The following DCHS2 variants were observed in gnomAD, a reference collection of about 807,000 sequenced individuals.
DCHS2 encodes the protein dachsous cadherin-related 2.
Under a neutral mutation model 182.4 loss-of-function variants are expected in DCHS2, and 142 were observed. The observed-to-expected ratio is 0.78, with a 90% CI of 0.68 to 0.89. The LOEUF (loss-of-function observed/expected upper bound fraction) is 0.89. Ranked by LOEUF, DCHS2 falls within the 40% of genes least tolerant of loss-of-function variation. DCHS2 has a pLI of 0.00. For missense variants in DCHS2, 4,319 were observed against 4,198.6 expected (o/e 1.03, Z -0.79); for synonymous variants, 1,740 against 1,663.3 (o/e 1.05, Z -1.12).
chr4:154,258,367 C>CTTTTTTTTTTTTTT (rs771510956), intron 15 of DCHS2, among the ~76,000 whole-genome samples: 1 of 58,838 alleles, frequency 1.7e-5, no homozygotes, highest in African/African-American at 7.3e-5. Context: ...AAAAGAAAGG[C>CTTTTTTTTTTTTTT]TTTTTTTTTT....
At chr4:154,237,891 A>G (rs1219991602) in intron 19 of DCHS2, among the ~76,000 whole-genome samples, 2 of 152,236 alleles carry the variant, frequency 1.3e-5, no homozygotes, top group East Asian at 1.9e-4. Flanking sequence ...AAATATTTGA[A>G]TCAATAGCTT....
chr4:154,414,561 G>A (rs1732760231), intron 1 of DCHS2, among the ~76,000 whole-genome samples: 1 of 135,084 alleles, frequency 7.4e-6, no homozygotes, highest in African/African-American at 2.8e-5. Context: ...AATTCAAGAA[G>A]CATTCCTGAC....
intron 1 of DCHS2, among the ~76,000 whole-genome samples, chr4:154,447,819 G>A (rs920378875): frequency 2.0e-5 from 3 of 152,144 alleles, no homozygotes; most frequent in African/African-American, 7.2e-5. Flanking sequence ...TAAGAAAATT[G>A]TAAACAGGGA....
chr4:154,418,431 A>G (rs1284474610), intron 1 of DCHS2, among the ~76,000 whole-genome samples: 3 of 152,204 alleles, frequency 2.0e-5, no homozygotes, highest in Non-Finnish European at 2.9e-5. Context: ...TCCACTCACT[A>G]AGACTCCCTT....
chr4:154,442,159 G>A (rs1313444186), intron 1 of DCHS2, among the ~76,000 whole-genome samples: 1 of 152,030 alleles, frequency 6.6e-6, no homozygotes, highest in Non-Finnish European at 1.5e-5. Context: ...CTTGCTCCCA[G>A]TCAGACCACC....
chr4:154,383,607 A>G (rs1423753238), intron 1 of DCHS2, among the ~76,000 whole-genome samples: 1 of 152,198 alleles, frequency 6.6e-6, no homozygotes, highest in Admixed American at 6.5e-5. Context: ...CTGGCCCTTG[A>G]AGGCATGTTT....
At chr4:154,367,192 T>C (rs1283681235) in intron 2 of DCHS2, among the ~76,000 whole-genome samples, 1 of 152,184 alleles carries the variant, frequency 6.6e-6, no homozygotes, top group Non-Finnish European at 1.5e-5. Context: ...TGGAAGGACA[T>C]GGTTCTTCCT....
chr4:154,256,896 A>C (rs910096012), intron 15 of DCHS2, among the ~76,000 whole-genome samples: 1 of 152,144 alleles, frequency 6.6e-6, no homozygotes, highest in African/African-American at 2.4e-5. Context: ...TTGGGACCGA[A>C]AGGCTGCAAT....
At chr4:154,349,184 C>T (rs1167661002) in intron 3 of DCHS2, among the ~76,000 whole-genome samples, 5 of 151,942 alleles carry the variant, frequency 3.3e-5, no homozygotes, top group Non-Finnish European at 7.3e-5. Context: ...GCAGAAGTGG[C>T]TGGCTTTATA....
chr4:154,236,500 T>C lies in DCHS2; in HGVS notation c.8152A>G (p.Asn2718Asp), dbSNP rs760004815. 2 of 1,614,044 alleles carry C rather than the reference T, an allele frequency of 1.2e-6. No individual in the cohort carries two copies. Among genetic ancestry groups the C allele is most frequent in the Non-Finnish European group, 1.7e-6 (2 of 1,179,968 alleles). ...TTAATCAAATAAAGAACTCCAGTGT[T>C]TTCTTCTAAGTAAAAATGTCCCTTC... ...NEKGHFYLEE[N>D]TGVLYLIKPL... is the part of the protein sequence containing the mutation. Residue 2718 changes from asparagine (N) to aspartate (D), a missense_variant, in exon 20 of 20, where the codon AAC (asparagine) becomes GAC (aspartate). Asn to Asp is a conservative substitution (Grantham distance 23, BLOSUM62 1). Transcript: ENST00000357232.
chr4:154,441,770 C>A (rs1349914423), intron 1 of DCHS2, among the ~76,000 whole-genome samples: 2 of 152,022 alleles, frequency 1.3e-5, no homozygotes, highest in Non-Finnish European at 1.5e-5. Context: ...GTTTATAAAG[C>A]ACTTCTTGTT....
intron 16 of DCHS2, among the ~76,000 whole-genome samples, chr4:154,253,102 G>C (rs1732463711): frequency 7.3e-6 from 1 of 137,828 alleles, no homozygotes; most frequent in South Asian, 2.7e-4. Context: ...GTGCGGGGTG[G>C]GGGGCGGGGT....
chr4:154,359,869 T>G (rs550335660), intron 3 of DCHS2, among the ~76,000 whole-genome samples: 12 of 152,150 alleles, frequency 7.9e-5, no homozygotes, highest in African/African-American at 2.9e-4. Context: ...AACAGATAAT[T>G]TGGTGTTTAG....
rs765390193 is a variant in DCHS2 at position 154,236,609 on chromosome 4, C to T, written c.8043G>A (p.Gly2681=). 6.2e-6 allele frequency: 10 copies of T among 1,613,984 alleles called. No homozygotes were observed. In the Admixed American group the frequency reaches 1.2e-4, roughly 19 times the overall value. The change falls in exon 20 of 20, where the codon GGG becomes GGA. Residue 2681 remains glycine, a synonymous_variant. Coordinates refer to ENST00000357232, the MANE Select transcript of DCHS2 (RefSeq NM_001358235.2). The stretch of plus-strand genomic sequence containing the variant: ...TTGCTGAGACCACAGTGATGTGACT[C>T]CCTAGAGGGGTGCTTTCCTTGACAT... ...HTHVKESTPL[G]SHITVVSAND...
intron 13 of DCHS2, among the ~76,000 whole-genome samples, chr4:154,294,910 A>G (rs1734852651): frequency 6.6e-6 from 1 of 152,192 alleles, no homozygotes; most frequent in African/African-American, 2.4e-5. Context: ...CCTACTCCTA[A>G]TTGTTGAGGA....
Position 154,321,035 on chromosome 4 carries a change from T to C in DCHS2, c.4364A>G (p.Asp1455Gly). ...AAGAAACAAGTCTCCGGTTGAGCTGTCTATTTCAAAGTGTCCATCCTTATC... is the reference window on the plus strand; with the variant it reads ...AAGAAACAAGTCTCCGGTTGAGCTGCCTATTTCAAAGTGTCCATCCTTATC... ...ADDKDGHFEI[D>G]SSTGDLFLSK... is the part of the protein sequence containing the mutation. Residue 1455 changes from aspartate (D) to glycine (G), a missense_variant, in exon 9 of 20, where the codon GAC (aspartate) becomes GGC (glycine). Coordinates refer to ENST00000357232, the MANE Select transcript of DCHS2 (RefSeq NM_001358235.2). The C allele has an allele frequency of 6.2e-7, 1 of 1,613,484 alleles. No homozygotes were observed. Among genetic ancestry groups the C allele is most frequent in the Non-Finnish European group, 8.5e-7 (1 of 1,179,572 alleles).
intron 14 of DCHS2, among the ~76,000 whole-genome samples, chr4:154,264,343 T>C (rs1308375620): frequency 2.0e-5 from 3 of 152,088 alleles, no homozygotes; most frequent in African/African-American, 2.4e-5. Flanking sequence ...ATTATATATG[T>C]TTAAATACAT....
chr4:154,357,717 A>G (rs1382458198), intron 3 of DCHS2, among the ~76,000 whole-genome samples: 1 of 152,150 alleles, frequency 6.6e-6, no homozygotes, highest in East Asian at 1.9e-4. Flanking sequence ...TGCTCATGCC[A>G]CTGGCCCCAG....
In DCHS2 at chr4:154,332,580, T is replaced by C; in HGVS notation, c.3628A>G (p.Ile1210Val). ...VEESPVPQGV[I>V]GKITAIDMDS... is the part of the protein sequence containing the mutation. ...ATGTCAATAGCTGTAATTTTGCCTATTACCCCTTGGGGAACAGGGCTCTCT... is the reference window on the plus strand; with the variant it reads ...ATGTCAATAGCTGTAATTTTGCCTACTACCCCTTGGGGAACAGGGCTCTCT... The change falls in exon 5 of 20, where the codon ATA becomes GTA. Residue 1210 changes from isoleucine to valine, a missense_variant. Coordinates refer to ENST00000357232, the MANE Select transcript of DCHS2 (RefSeq NM_001358235.2). 1 of 1,614,176 alleles carries C rather than the reference T, an allele frequency of 6.2e-7. No individual in the cohort carries two copies. Among genetic ancestry groups the C allele is most frequent in the Non-Finnish European group, 8.5e-7 (1 of 1,180,008 alleles).
Sources: gnomAD v4.1 joint callset for allele counts (sites outside exome capture counted in the v4.1 genomes callset) on GRCh38, gnomAD v4.1.1 for gene constraint, MANE v1.5 for transcripts, NCBI Gene and HGNC (gene_info 2026-07-23, HGNC 2026-07-21) for gene names.